Variants in SRGAP2C observed in about 807,000 individuals in gnomAD.
SRGAP2C encodes the protein SLIT-ROBO Rho GTPase activating protein 2C, also known as SLIT-ROBO Rho GTPase-activating protein 2C.
Under a neutral mutation model 25.1 loss-of-function variants are expected in SRGAP2C, and 15 were observed. The ratio of observed to expected loss-of-function variants is 0.60; its 90% CI spans 0.40 to 0.92. The LOEUF is 0.92. Ranked by LOEUF, SRGAP2C falls within the 40% of genes least tolerant of loss-of-function variation. The pLI is 0.00. For missense variants in SRGAP2C, 144 were observed against 264.4 expected, an observed-to-expected ratio of 0.54 and a Z score of 3.16; for synonymous variants, 44 against 96.6, an observed-to-expected ratio of 0.46 and a Z score of 3.19.
intron 5 of SRGAP2C, among the ~76,000 whole-genome samples, chr1:121,369,551 C>A (rs1449393526): frequency 6.6e-6 from 1 of 151,994 alleles, no homozygotes; most frequent in Non-Finnish European, 1.5e-5. Context: ...GCTGGCAGAG[C>A]TACTTCAGAC....
At chr1:121,219,183 C>A (rs1325675564) in intron 2 of SRGAP2C, among the ~76,000 whole-genome samples, 1 of 147,642 alleles carries the variant, frequency 6.8e-6, no homozygotes, top group African/African-American at 2.6e-5. Flanking sequence ...CCTGAAGCAG[C>A]CAACCTGGCT....
intron 2 of SRGAP2C, among the ~76,000 whole-genome samples, chr1:121,250,836 GC>G (rs1656342209): frequency 8.3e-6 from 1 of 120,452 alleles, no homozygotes; most frequent in East Asian, 2.0e-4. Context: ...TGGAAGGGAA[GC>G]CAAAGGGGCT....
intron 2 of SRGAP2C, among the ~76,000 whole-genome samples, chr1:121,248,479 C>T (rs1656272410): frequency 7.5e-6 from 1 of 132,872 alleles, no homozygotes; most frequent in South Asian, 2.4e-4. Context: ...CGGAGTCTTG[C>T]TCTGTCGCCC....
intron 4 of SRGAP2C, among the ~76,000 whole-genome samples, chr1:121,346,743 C>T (rs587713210): frequency 2.0e-4 from 31 of 152,098 alleles, no homozygotes; most frequent in East Asian, 7.8e-4. Context: ...ATTTTTCTGC[C>T]GCTGCTGATG....
chr1:121,345,683 G>A (rs1336354424), intron 4 of SRGAP2C, among the ~76,000 whole-genome samples: 1 of 70,414 alleles, frequency 1.4e-5, no homozygotes, highest in Non-Finnish European at 2.6e-5. Context: ...ATGGAGTTTT[G>A]CTCTTGTTGC....
chr1:121,314,784 C>T (rs1263154281), intron 3 of SRGAP2C, among the ~76,000 whole-genome samples: 55 of 151,892 alleles, frequency 3.6e-4, no homozygotes, highest in Non-Finnish European at 7.1e-4. Flanking sequence ...TCTGCCCGTT[C>T]TCAGATCTCC....
intron 2 of SRGAP2C, among the ~76,000 whole-genome samples, chr1:121,199,575 A>G (rs1553321327): frequency 2.6e-5 from 2 of 78,394 alleles, no homozygotes; most frequent in African/African-American, 6.1e-5. Context: ...CAGATCACCT[A>G]AGGTCAGGAG....
chr1:121,190,939 ACTC>A (rs1254713953), intron 2 of SRGAP2C, among the ~76,000 whole-genome samples: 1 of 146,906 alleles, frequency 6.8e-6, no homozygotes, highest in African/African-American at 2.5e-5. Flanking sequence ...GCCCTGAGGA[ACTC>A]CTGAGGCTTC....
chr1:121,323,636 AAAAG>A (rs1390134207), intron 3 of SRGAP2C, among the ~76,000 whole-genome samples: 4 of 138,508 alleles, frequency 2.9e-5, no homozygotes, highest in African/African-American at 5.7e-5. Context: ...AAAAAAAAAA[AAAAG>A]GGAATGAGCA....
At chr1:121,259,867 T>TA (rs1410936942) in intron 2 of SRGAP2C, among the ~76,000 whole-genome samples, 1 of 131,688 alleles carries the variant, frequency 7.6e-6, no homozygotes, top group Non-Finnish European at 1.6e-5. Context: ...TTTTTTTTTT[T>TA]AAAGAGACAA....
In SRGAP2C at chr1:121,362,123, C is replaced by T. The variant is rs1484483797; in HGVS notation, c.424-3170C>T. On this transcript the variant is annotated intron_variant, in intron 4 of 9. Transcript: ENST00000367123. ...TTGTGGCTTACCAGCTCTGTCAACC[C>T]CACTGCAGTGGCCAGCACGGAAGCC... 7 of 57,038 alleles carry T rather than the reference C, an allele frequency of 1.2e-4. No homozygotes were observed. In the East Asian group the frequency reaches 2.5e-3, roughly 20 times the overall value. The allele number at this position is 57,038 out of a possible 1,614,324, so 3.5% of individuals were successfully genotyped here.
intron 3 of SRGAP2C, among the ~76,000 whole-genome samples, chr1:121,294,624 T>C (rs1657558344): frequency 1.1e-5 from 1 of 92,604 alleles, no homozygotes; most frequent in Non-Finnish European, 2.4e-5. Context: ...TTCCTGTAAA[T>C]TACCTTTCAG....
In SRGAP2C at chr1:121,185,028, C is replaced by G. The variant is rs1570688132; in HGVS notation, c.-639C>G. ...GGAGGCTCCTCCAGGGACTGGGGCA[C>G]CGATCTGCGTAGAAACGGGTGGCGG... On this transcript the variant is annotated 5_prime_UTR_variant, in exon 1 of 10. Transcript: ENST00000367123. 1.9e-6 allele frequency: 1 copy of G among 515,474 alleles called. No homozygotes were observed. Among genetic ancestry groups the G allele is most frequent in the Non-Finnish European group, 3.4e-6 (1 of 293,394 alleles). The allele number at this position is 515,474 out of a possible 1,614,324, so 31.9% of individuals were successfully genotyped here.
chr1:121,323,164 G>A (rs1171254506), intron 3 of SRGAP2C, among the ~76,000 whole-genome samples: 6 of 150,676 alleles, frequency 4.0e-5, no homozygotes, highest in Non-Finnish European at 1.5e-5. Context: ...GCCCAGATAT[G>A]TGTACAGTAT....
At chr1:121,343,400 C>G (rs1341109659) in intron 4 of SRGAP2C, among the ~76,000 whole-genome samples, 1 of 151,726 alleles carries the variant, frequency 6.6e-6, no homozygotes, top group Admixed American at 6.6e-5. Context: ...TGCGTATCCC[C>G]TCTTGGGCCA....
chr1:121,285,898 G>C (rs1320216798), intron 3 of SRGAP2C, among the ~76,000 whole-genome samples: 3 of 152,032 alleles, frequency 2.0e-5, no homozygotes, highest in Non-Finnish European at 2.9e-5. Flanking sequence ...CACAGCAGGG[G>C]TGTCCAATCT....
Position 121,374,070 on chromosome 1 carries a change from G to T in SRGAP2C, c.586G>T (p.Val196Leu). Residue 196 changes from valine (V) to leucine (L), a missense_variant, in exon 6 of 10, where the codon GTA becomes TTA. By Grantham distance (32) the Val-to-Leu change is conservative (BLOSUM62 1). Coordinates refer to ENST00000367123, the MANE Select transcript of SRGAP2C (RefSeq NM_001329984.2). ...KQEEKQIGKS[V>L]KQEDRQTPCS... is the part of the protein sequence containing the mutation. Reference sequence around the variant, plus strand: ...GGAGGAGAAGCAAATTGGTAAATCGGTAAAGCAGGAGGACCGGCAGACCCC... The same window carrying T: ...GGAGGAGAAGCAAATTGGTAAATCGTTAAAGCAGGAGGACCGGCAGACCCC... 2.0e-6 allele frequency: 1 copy of T among 503,344 alleles called. No individual in the cohort carries two copies. The highest frequency in any genetic ancestry group is 3.5e-6 in the Non-Finnish European group (1 of 281,994). The allele number at this position is 503,344 out of a possible 1,614,324, so 31.2% of individuals were successfully genotyped here. A position where few individuals can be genotyped will look rare whatever the true frequency, so the allele number is the denominator to read the frequency against.
chr1:121,314,164 A>G (rs1658035275), intron 3 of SRGAP2C, among the ~76,000 whole-genome samples: 1 of 109,244 alleles, frequency 9.2e-6, no homozygotes, highest in Non-Finnish European at 1.9e-5. Context: ...TTCTGGCTTC[A>G]TTTCATTCAT....
At chr1:121,273,208 G>A (rs1457422074) in intron 2 of SRGAP2C, among the ~76,000 whole-genome samples, 3 of 117,972 alleles carry the variant, frequency 2.5e-5, no homozygotes, top group African/African-American at 8.4e-5. Flanking sequence ...TTAATAAATG[G>A]GATATGTGAT....
Sources: gnomAD v4.1 joint callset for allele counts (sites outside exome capture counted in the v4.1 genomes callset) on GRCh38, gnomAD v4.1.1 for gene constraint, MANE v1.5 for transcripts, NCBI Gene and HGNC (gene_info 2026-07-23, HGNC 2026-07-21) for gene names.